CBFB: variants seen among roughly 807,000 people sequenced by gnomAD.
CBFB encodes the protein CBF-beta.
CBFB carries 9 observed loss-of-function variants against 30.4 expected under a neutral mutation model. The observed-to-expected ratio is 0.30, with a 90% CI of 0.18 to 0.52. The LOEUF (loss-of-function observed/expected upper bound fraction) is 0.52. Among genes scored for constraint, CBFB ranks in the 20% least tolerant of loss-of-function variants. CBFB has a pLI of 0.97. For missense variants in CBFB, 170 were observed against 244.0 expected, an observed-to-expected ratio of 0.70 and a Z score of 2.02; for synonymous variants, 94 against 84.0, an observed-to-expected ratio of 1.12 and a Z score of -0.65.
At chr16:67,055,626 G>T (rs913046136) in intron 3 of CBFB, among the ~76,000 whole-genome samples, 1 of 151,698 alleles carries the variant, frequency 6.6e-6, no homozygotes. Context: ...AAAGTGCTGG[G>T]ATTACAGGTG....
intron 5 of CBFB, among the ~76,000 whole-genome samples, chr16:67,097,804 G>A (rs766732700): frequency 1.8e-4 from 28 of 152,086 alleles, no homozygotes; most frequent in South Asian, 6.2e-4. Context: ...TGTGCCCATA[G>A]TTCTAGTTAC....
intron 3 of CBFB, among the ~76,000 whole-genome samples, chr16:67,048,356 G>GA (rs956062788): frequency 5.9e-4 from 90 of 152,156 alleles, no homozygotes; most frequent in African/African-American, 1.8e-3. Context: ...TGGATATGAA[G>GA]AAAAAAAGAA....
In CBFB at chr16:67,036,732, G is replaced by A. The variant is rs753519175; in HGVS notation, c.259G>A (p.Asp87Asn). ...ACAAACACCTAGCCGAGAGTATGTC[G>A]ACTTAGAAAGAGAAGCAGGCAAGGT... Reference protein sequence around the residue: ...QRQTPSREYVDLEREAGKVYL... With the variant: ...QRQTPSREYVNLEREAGKVYL... The change falls in exon 3 of 6, where the codon GAC becomes AAC. Residue 87 changes from aspartate to asparagine, a missense_variant. Asp to Asn is a conservative substitution (Grantham distance 23). Coordinates refer to ENST00000412916, the MANE Select transcript of CBFB (RefSeq NM_022845.3). The A allele has an allele frequency of 1.2e-6, 2 of 1,609,994 alleles. No individual in the cohort carries two copies. Among genetic ancestry groups the A allele is most frequent in the Non-Finnish European group, 1.7e-6 (2 of 1,176,388 alleles).
chr16:67,093,136 C>T (rs963101503), intron 5 of CBFB, among the ~76,000 whole-genome samples: 1 of 151,982 alleles, frequency 6.6e-6, no homozygotes, highest in Admixed American at 6.6e-5. Flanking sequence ...TTTGTAGGGG[C>T]AGGATCTCAC....
At chr16:67,051,810 G>A (rs908883637) in intron 3 of CBFB, among the ~76,000 whole-genome samples, 5 of 149,414 alleles carry the variant, frequency 3.3e-5, no homozygotes, top group Admixed American at 1.3e-4. Flanking sequence ...GCGCAGTGGC[G>A]TGATCTTGGC....
intron 3 of CBFB, among the ~76,000 whole-genome samples, chr16:67,053,844 CTTTT>C (rs111876987): frequency 1.4e-5 from 2 of 142,516 alleles, no homozygotes; most frequent in Non-Finnish European, 3.1e-5. Flanking sequence ...TTCTTTTATC[CTTTT>C]TTTTTTTTTT....
chr16:67,049,896 T>A (rs986439152), intron 3 of CBFB, among the ~76,000 whole-genome samples: 2 of 152,094 alleles, frequency 1.3e-5, no homozygotes, highest in Non-Finnish European at 2.9e-5. Flanking sequence ...TTAGAACATA[T>A]CTGGTGATAG....
chr16:67,061,888 G>C (rs568325538), intron 3 of CBFB, among the ~76,000 whole-genome samples: 7 of 151,814 alleles, frequency 4.6e-5, no homozygotes, highest in African/African-American at 1.4e-4. Flanking sequence ...AAAAATTAGC[G>C]GTGTGTGGTG....
chr16:67,031,348 T>A (rs1281519698), intron 2 of CBFB, among the ~76,000 whole-genome samples: 1 of 152,234 alleles, frequency 6.6e-6, no homozygotes, highest in African/African-American at 2.4e-5. Context: ...GTTTTGGCAC[T>A]GAGTGGTATA....
chr16:67,077,779 A>G (rs1961442889), intron 4 of CBFB, among the ~76,000 whole-genome samples: 1 of 152,246 alleles, frequency 6.6e-6, no homozygotes, highest in Non-Finnish European at 1.5e-5. Flanking sequence ...TAGACAATAA[A>G]TAAAGACACA....
rs532321056 is a variant in CBFB, at chr16:67,084,757, G to T, written c.495+2449G>T. Among the ~76,000 whole-genome samples the T allele has an allele frequency of 6.9e-4, 105 of 152,254 alleles. 1 individual carries two copies. In the South Asian group the frequency reaches 8.9e-3, roughly 13 times the overall value. On this transcript the variant is annotated intron_variant, in intron 5 of 5. Coordinates refer to ENST00000412916, the MANE Select transcript of CBFB (RefSeq NM_022845.3). ...CACTATTGTTTAAATTAAGGTGTGT[G>T]TGCATACGTGTGTGTGTGTGTGCGT...
chr16:67,083,143 T>C (rs1961618068), intron 5 of CBFB, among the ~76,000 whole-genome samples: 1 of 152,142 alleles, frequency 6.6e-6, no homozygotes, highest in Non-Finnish European at 1.5e-5. Context: ...TGTGCCACTG[T>C]ATTCCAGCCT....
At chr16:67,093,778 G>A (rs2145785208) in intron 5 of CBFB, 1 of 152,316 alleles carries the variant, frequency 6.6e-6, no homozygotes, top group South Asian at 2.1e-4. Context: ...CCCTATGGCT[G>A]AGGAGAAGGA....
intron 5 of CBFB, among the ~76,000 whole-genome samples, chr16:67,090,764 A>C (rs1253065893): frequency 1.3e-5 from 2 of 152,240 alleles, no homozygotes; most frequent in Admixed American, 6.5e-5. Context: ...ATGTCAGAGA[A>C]TGGGTAAATT....
At chr16:67,053,302 G>T (rs1960615814) in intron 3 of CBFB, among the ~76,000 whole-genome samples, 1 of 133,940 alleles carries the variant, frequency 7.5e-6, no homozygotes. Flanking sequence ...CACCCAGGTT[G>T]GAGTGCAGTG....
chr16:67,073,735 C>T (rs1374116950), intron 4 of CBFB, among the ~76,000 whole-genome samples: 2 of 151,192 alleles, frequency 1.3e-5, no homozygotes, highest in African/African-American at 4.9e-5. Context: ...GAGTGAGACT[C>T]CATCTCAAAA....
intron 2 of CBFB, among the ~76,000 whole-genome samples, chr16:67,033,955 A>C (rs1271602244): frequency 6.6e-6 from 1 of 151,098 alleles, no homozygotes; most frequent in South Asian, 2.1e-4. Context: ...CAGCCTCCCG[A>C]GTAGCTAGGA....
intron 3 of CBFB, among the ~76,000 whole-genome samples, chr16:67,041,583 CAA>C (rs1295749379): frequency 7.3e-5 from 11 of 151,568 alleles, no homozygotes; most frequent in Non-Finnish European, 1.5e-4. Context: ...GCCTGGGCAA[CAA>C]GAGTGAAACT....
Position 67,099,123 on chromosome 16 carries a change from A to G in CBFB, c.*345A>G. 7.4e-6 allele frequency: 2 copies of G among 269,620 alleles called. No homozygotes were observed. Among genetic ancestry groups the G allele is most frequent in the Non-Finnish European group, 1.4e-5 (2 of 143,338 alleles). The allele number at this position is 269,620 out of a possible 1,614,324, so 16.7% of individuals were successfully genotyped here. On this transcript the variant is annotated 3_prime_UTR_variant, in exon 6 of 6. Coordinates refer to ENST00000412916, the MANE Select transcript of CBFB (RefSeq NM_022845.3). ...CATGTCATTTAAAAACAAGTCAAGA[A>G]ATTAAAATTGTATCAGAGGGTTTTC... is the stretch of plus-strand genomic sequence containing the variant.
Sources: gnomAD v4.1 joint callset for allele counts (sites outside exome capture counted in the v4.1 genomes callset) on GRCh38, gnomAD v4.1.1 for gene constraint, MANE v1.5 for transcripts, NCBI Gene and HGNC (gene_info 2026-07-23, HGNC 2026-07-21) for gene names.